The following ZFAT variants were observed in gnomAD, a reference collection of about 807,000 sequenced individuals.
ZFAT encodes the protein zinc finger protein ZFAT.
In ZFAT, 64 loss-of-function variants were observed where a neutral mutation model predicts 117.7. The observed-to-expected ratio is 0.54, with a 90% confidence interval of 0.44 to 0.67. ZFAT has a LOEUF of 0.67. ZFAT is among the 30% of genes least tolerant of loss of function. The pLI is 0.00. For synonymous variants in ZFAT, 679 were observed against 615.0 expected (o/e 1.10, Z -1.54); for missense variants, 1,433 against 1,584.5 (o/e 0.90, Z 1.62).
intron 3 of ZFAT, among the ~76,000 whole-genome samples, chr8:134,613,531 T>A (rs1828497762): frequency 1.3e-5 from 2 of 152,168 alleles, no homozygotes; most frequent in Admixed American, 1.3e-4. Flanking sequence ...CCCCTCACCA[T>A]TCCTACAGCT....
intron 8 of ZFAT, among the ~76,000 whole-genome samples, chr8:134,588,772 T>A (rs1288038837): frequency 6.6e-6 from 1 of 152,122 alleles, no homozygotes; most frequent in African/African-American, 2.4e-5. Flanking sequence ...TGCAAATGCA[T>A]GGATGCTGGT....
the ZFAT span, among the ~76,000 whole-genome samples, chr8:134,741,816 T>C: frequency 6.6e-6 from 1 of 151,922 alleles, no homozygotes; most frequent in Admixed American, 6.6e-5. Flanking sequence ...GCTCCAGCCC[T>C]GATGCCAGTA....
chr8:134,637,667 G>A lies in ZFAT; in HGVS notation c.242C>T (p.Thr81Met), dbSNP rs369365125. 6.1e-5 allele frequency: 99 copies of A among 1,614,012 alleles called. No homozygotes were observed. Among genetic ancestry groups the A allele is most frequent in the Admixed American group, 2.3e-4 (14 of 60,010 alleles). ...CTCCTCTTCTGTGCTGGACTTCTTCGTGGACCCCTTAGGCCTGCCTCTCTT... is the reference window on the plus strand; with the variant it reads ...CTCCTCTTCTGTGCTGGACTTCTTCATGGACCCCTTAGGCCTGCCTCTCTT... ...KRKRGRPKGS[T>M]KKSSTEEELA... Residue 81 changes from threonine to methionine, a missense_variant, in exon 3 of 16, where the codon ACG becomes ATG. This residue lies in a region of ZFAT where 436 missense variants were observed against 482.0 expected (regional missense o/e 0.90). Coordinates refer to ENST00000377838, the MANE Select transcript of ZFAT (RefSeq NM_020863.4).
chr8:134,500,791 A>G (rs1461647902), intron 15 of ZFAT, among the ~76,000 whole-genome samples: 1 of 152,266 alleles, frequency 6.6e-6, no homozygotes, highest in African/African-American at 2.4e-5. Context: ...CCTATTGCCA[A>G]GACTCTGAAT....
At chr8:134,666,763 TG>T in intron 1 of ZFAT, among the ~76,000 whole-genome samples, 1 of 152,028 alleles carries the variant, frequency 6.6e-6, no homozygotes, top group Admixed American at 6.5e-5. Context: ...CAAGGACCTG[TG>T]GGACTGTAAC....
At chr8:134,700,785 C>T (rs1301224229) in intron 1 of ZFAT, among the ~76,000 whole-genome samples, 1 of 152,188 alleles carries the variant, frequency 6.6e-6, no homozygotes, top group African/African-American at 2.4e-5. Flanking sequence ...CCAGCCCAGG[C>T]AGAAGTGACT....
intron 1 of ZFAT, among the ~76,000 whole-genome samples, chr8:134,666,803 C>T (rs1311121736): frequency 6.6e-6 from 1 of 151,032 alleles, no homozygotes; most frequent in Non-Finnish European, 1.5e-5. Flanking sequence ...ATATGAGTCC[C>T]AAAAAAAGAA....
intron 3 of ZFAT, among the ~76,000 whole-genome samples, chr8:134,615,781 T>C (rs1382668964): frequency 6.6e-6 from 1 of 152,256 alleles, no homozygotes; most frequent in Non-Finnish European, 1.5e-5. Flanking sequence ...TTACATTCTA[T>C]TCTTGAAAGC....
intron 3 of ZFAT, among the ~76,000 whole-genome samples, chr8:134,629,567 A>T (rs537473106): frequency 3.3e-4 from 50 of 152,090 alleles, no homozygotes; most frequent in African/African-American, 1.2e-3. Context: ...ATGGGGGTGG[A>T]TTTCCTCCTT....
At chr8:134,718,824 A>G in the ZFAT span, among the ~76,000 whole-genome samples, 138,099 of 152,300 alleles carry the variant, frequency 0.91, 62,900 homozygotes, top group African/African-American at 0.97. Context: ...TCAGAAGAGA[A>G]AATAACTATT....
At chr8:134,647,763 C>T (rs191033125) in intron 2 of ZFAT, among the ~76,000 whole-genome samples, 9 of 151,994 alleles carry the variant, frequency 5.9e-5, no homozygotes, top group Non-Finnish European at 1.0e-4. Flanking sequence ...TTTATAATAG[C>T]GTCGAAAAAA....
intron 11 of ZFAT, among the ~76,000 whole-genome samples, chr8:134,550,350 C>A (rs922359213): frequency 7.8e-6 from 1 of 128,386 alleles, no homozygotes; most frequent in African/African-American, 2.9e-5. Context: ...GGGTAAAGAT[C>A]CAGAGAGAAA....
chr8:134,689,596 T>C (rs554155052), intron 1 of ZFAT, among the ~76,000 whole-genome samples: 126 of 152,274 alleles, frequency 8.3e-4, no homozygotes, highest in Non-Finnish European at 1.5e-3. Context: ...GAGGGAGCCA[T>C]GAAAGAGAAA....
chr8:134,714,069 T>C (rs1209294989), upstream of ZFAT, among the ~76,000 whole-genome samples: 3 of 141,170 alleles, frequency 2.1e-5, no homozygotes, highest in Non-Finnish European at 3.0e-5. Context: ...TTTTCAAAAA[T>C]CAGTCAACTT....
chr8:134,506,595 C>T lies in ZFAT; in HGVS notation c.3492+3024G>A, dbSNP rs75713572. Among the ~76,000 whole-genome samples, 1,241 of 152,300 alleles carry T rather than the reference C, an allele frequency of 8.1e-3. 20 individuals carry two copies. Among genetic ancestry groups the T allele is most frequent in the African/African-American group, 0.028 (1,157 of 41,558 alleles). On this transcript the variant is annotated intron_variant, in intron 15 of 15. Transcript: ENST00000377838. Reference sequence around the variant, plus strand: ...GTACCAGGCCTGCCATTACTTTCATCCCAGAAGCTGAAAACCCCAGAAGAC... The same window carrying T: ...GTACCAGGCCTGCCATTACTTTCATTCCAGAAGCTGAAAACCCCAGAAGAC...
At position 134,513,299 on chromosome 8, in the gene ZFAT, G is replaced by A. The variant is rs368037291; in HGVS notation, c.3235-698C>T. Among the ~76,000 whole-genome samples the A allele has an allele frequency of 7.4e-4, 112 of 151,268 alleles. No homozygotes were observed. The Middle Eastern group carries it at 0.01, about 14-fold the overall frequency. On this transcript the variant is annotated intron_variant, in intron 13 of 15. Coordinates refer to ENST00000377838, the MANE Select transcript of ZFAT (RefSeq NM_020863.4). ...TGCAATCTCTGCCCGCCAGGTTCAA[G>A]CGATTCTCCTGCCTCAGCCTCCCGA... is the stretch of plus-strand genomic sequence containing the variant.
the ZFAT span, among the ~76,000 whole-genome samples, chr8:134,817,516 T>A: frequency 6.6e-6 from 1 of 151,348 alleles, no homozygotes; most frequent in Non-Finnish European, 1.5e-5. Context: ...AAGACTTGCA[T>A]CCTATAAACT....
the ZFAT span, chr8:134,784,368 A>C: frequency 3.9e-5 from 6 of 152,212 alleles, no homozygotes; most frequent in Admixed American, 1.3e-4. Flanking sequence ...TATTAATGAC[A>C]AAGTTATGTT....
At chr8:134,706,087 C>G (rs1042786684) in intron 1 of ZFAT, among the ~76,000 whole-genome samples, 3 of 152,194 alleles carry the variant, frequency 2.0e-5, no homozygotes, top group African/African-American at 7.2e-5. Flanking sequence ...ACAAACTACT[C>G]TGGAAAGCTA....
Sources: gnomAD v4.1 joint callset for allele counts (sites outside exome capture counted in the v4.1 genomes callset) on GRCh38, gnomAD v4.1.1 for gene constraint, gnomAD v4.1.1 regional missense constraint, MANE v1.5 for transcripts, NCBI Gene and HGNC (gene_info 2026-07-23, HGNC 2026-07-21) for gene names.